LHCGR: variants seen among roughly 807,000 people sequenced by gnomAD.
LHCGR encodes luteinizing hormone/choriogonadotropin receptor, also known as lutropin-choriogonadotropic hormone receptor.
LHCGR carries 55 observed loss-of-function variants against 60.7 expected under a neutral mutation model. That is an observed-to-expected ratio of 0.91 (90% CI 0.73 to 1.13). The LOEUF is 1.13. Ranked by LOEUF, LHCGR falls within the 50% of genes most tolerant of loss-of-function variation. The pLI is 0.00. For missense variants in LHCGR, 862 were observed against 836.0 expected, an observed-to-expected ratio of 1.03 and a Z score of -0.38; for synonymous variants, 337 against 316.5, an observed-to-expected ratio of 1.06 and a Z score of -0.69.
intron 1 of LHCGR, among the ~76,000 whole-genome samples, chr2:48,755,247 T>C (rs1186091708): frequency 6.6e-6 from 1 of 151,568 alleles, no homozygotes; most frequent in Non-Finnish European, 1.5e-5. Context: ...TCCCCTGAGG[T>C]TCCTGAATAG....
intron 2 of LHCGR, among the ~76,000 whole-genome samples, chr2:48,730,720 C>T (rs182278395): frequency 1.8e-4 from 27 of 152,336 alleles, no homozygotes; most frequent in Middle Eastern, 6.8e-3. Context: ...GTCTGACAAA[C>T]ATGAGATCAT....
Position 48,731,308 on chromosome 2 carries a change from A to G in LHCGR, c.162-10T>C, listed in dbSNP as rs759265842. 4 of 1,600,692 alleles carry G rather than the reference A, an allele frequency of 2.5e-6. No homozygotes were observed. The highest frequency in any genetic ancestry group is 1.7e-4 in the Middle Eastern group (1 of 6,030). Reference sequence around the variant, plus strand: ...GAGGTAGGCAAGTGATCTAGAAAAGAAAAAAGGAAATCCAAGAGTTTAAGA... The same window carrying G: ...GAGGTAGGCAAGTGATCTAGAAAAGGAAAAAGGAAATCCAAGAGTTTAAGA... On this transcript the variant is annotated splice_polypyrimidine_tract_variant and intron_variant, in intron 1 of 10. Coordinates refer to ENST00000294954, the MANE Select transcript of LHCGR (RefSeq NM_000233.4).
Position 48,687,670 on chromosome 2 carries a change from T to C in LHCGR, c.*27A>G. On this transcript the variant is annotated 3_prime_UTR_variant, in exon 11 of 11. Coordinates refer to ENST00000294954, the MANE Select transcript of LHCGR (RefSeq NM_000233.4). ...TTTTTTTTACAGGTTTAAGAACAATTCAATAATGCAGTTACTGATGTAACA... is the reference window on the plus strand; with the variant it reads ...TTTTTTTTACAGGTTTAAGAACAATCCAATAATGCAGTTACTGATGTAACA... 6.3e-7 allele frequency: 1 copy of C among 1,576,862 alleles called. No individual in the cohort carries two copies. The highest frequency in any genetic ancestry group is 8.7e-7 in the Non-Finnish European group (1 of 1,146,198).
intron 3 of LHCGR, 108 bp downstream of exon 3, chr2:48,729,045 T>C (rs1668867799): frequency 1.1e-6 from 1 of 914,624 alleles, no homozygotes; most frequent in Non-Finnish European, 1.8e-6. Flanking sequence ...CTGTAGTCTT[T>C]TCCTTTTGGA....
chr2:48,730,997 T>A (rs888566892), intron 2 of LHCGR, among the ~76,000 whole-genome samples: 2 of 152,156 alleles, frequency 1.3e-5, no homozygotes, highest in African/African-American at 4.8e-5. Flanking sequence ...ATAAAATGCA[T>A]TCAGTCATTT....
In LHCGR at chr2:48,725,712, G is replaced by T; in HGVS notation, c.347C>A (p.Pro116His). The T allele has an allele frequency of 6.2e-7, 1 of 1,613,548 alleles. No individual in the cohort carries two copies. Among genetic ancestry groups the T allele is most frequent in the Non-Finnish European group, 8.5e-7 (1 of 1,179,644 alleles). The stretch of plus-strand genomic sequence containing the variant: ...TCGGGGAAGATTTATAAATGCTCCG[G>T]GCTCAATGTATCTCAGATTTTTGGT... Reference protein sequence around the residue: ...QNTKNLRYIEPGAFINLPRLK... With the variant: ...QNTKNLRYIEHGAFINLPRLK... Residue 116 changes from proline (P) to histidine (H), a missense_variant, in exon 4 of 11, where the codon CCC becomes CAC. Coordinates refer to ENST00000294954, the MANE Select transcript of LHCGR (RefSeq NM_000233.4).
Position 48,723,686 on chromosome 2 carries a change from T to C in LHCGR, c.394A>G (p.Asn132Asp). The C allele has an allele frequency of 6.2e-7, 1 of 1,613,018 alleles. No individual in the cohort carries two copies. The highest frequency in any genetic ancestry group is 8.5e-7 in the Non-Finnish European group (1 of 1,178,982). The change falls in exon 5 of 11, where the codon AAC becomes GAC. Residue 132 changes from asparagine to aspartate, a missense_variant. By Grantham distance (23) the Asn-to-Asp change is conservative. Coordinates refer to ENST00000294954, the MANE Select transcript of LHCGR (RefSeq NM_000233.4). ...LPRLKYLSIC[N>D]TGIRKFPDVT... ...TCTGGAAACTTTCTGATGCCTGTGTTACAGATGCTCCTGTGATTAGGGACA... is the reference window on the plus strand; with the variant it reads ...TCTGGAAACTTTCTGATGCCTGTGTCACAGATGCTCCTGTGATTAGGGACA...
At chr2:48,696,351 G>C (rs145284504) in intron 9 of LHCGR, among the ~76,000 whole-genome samples, 1 of 152,338 alleles carries the variant, frequency 6.6e-6, no homozygotes, top group Non-Finnish European at 1.5e-5. Context: ...CTTCCAAAAG[G>C]TTGCTTGGTG....
At chr2:48,694,166 A>G (rs944880931) in intron 10 of LHCGR, 58 bp downstream of exon 10, 12 of 994,858 alleles carry the variant, frequency 1.2e-5, no homozygotes, top group Non-Finnish European at 1.7e-5. Context: ...GATGCTGATA[A>G]TAAGGTGCAC....
At chr2:48,696,765 C>G (rs1558815800) in intron 9 of LHCGR, among the ~76,000 whole-genome samples, 1 of 152,130 alleles carries the variant, frequency 6.6e-6, no homozygotes, top group Non-Finnish European at 1.5e-5. Flanking sequence ...GAGACAATTC[C>G]TTGCAGGAAT....
chr2:48,733,566 A>G (rs1184770292), intron 1 of LHCGR, among the ~76,000 whole-genome samples: 1 of 152,152 alleles, frequency 6.6e-6, no homozygotes, highest in Non-Finnish European at 1.5e-5. Context: ...AGCCTCCCCT[A>G]TAAAAGAGAC....
intron 1 of LHCGR, among the ~76,000 whole-genome samples, chr2:48,740,113 C>T (rs1156607730): frequency 2.0e-5 from 3 of 152,232 alleles, no homozygotes; most frequent in South Asian, 2.1e-4. Context: ...CACTCCCACC[C>T]GAATACTGCT....
intron 7 of LHCGR, among the ~76,000 whole-genome samples, chr2:48,709,976 G>A (rs1479654299): frequency 6.6e-6 from 1 of 152,216 alleles, no homozygotes; most frequent in South Asian, 2.1e-4. Context: ...TGGGAACAGT[G>A]TGCATCTACC....
intron 7 of LHCGR, among the ~76,000 whole-genome samples, chr2:48,711,042 A>G (rs1005894186): frequency 2.3e-4 from 35 of 152,052 alleles, no homozygotes; most frequent in African/African-American, 8.4e-4. Context: ...GCCTCCCCTC[A>G]ATTCCTGGGA....
chr2:48,694,287 G>C lies in LHCGR; in HGVS notation c.884C>G (p.Ser295Cys). ...LPTKEQNFSHSISENFSKQCE... is the reference protein window; with the variant it reads ...LPTKEQNFSHCISENFSKQCE... ...TTGTTTGGAAAAGTTTTCAGAAATG[G>C]AATGTGAAAAATTCTGTCTGAAAGA... Residue 295 changes from serine to cysteine, a missense_variant, in exon 10 of 11, where the codon TCC becomes TGC. Transcript: ENST00000294954. 6.3e-7 allele frequency: 1 copy of C among 1,599,136 alleles called. No homozygotes were observed. The highest frequency in any genetic ancestry group is 8.6e-7 in the Non-Finnish European group (1 of 1,168,714).
At chr2:48,689,344 T>C (rs1399254705) in intron 10 of LHCGR, among the ~76,000 whole-genome samples, 4 of 152,186 alleles carry the variant, frequency 2.6e-5, no homozygotes, top group Admixed American at 2.0e-4. Context: ...CTTAACTATT[T>C]ATCTCTCATT....
intron 1 of LHCGR, among the ~76,000 whole-genome samples, chr2:48,753,352 T>TA (rs1670064051): frequency 6.6e-6 from 1 of 152,220 alleles, no homozygotes; most frequent in Non-Finnish European, 1.5e-5. Context: ...AAAGTTACCC[T>TA]GTTTTGGCCT....
At chr2:48,725,616 T>G (rs1668683203) in intron 4 of LHCGR, 60 bp downstream of exon 4, 1 of 1,175,912 alleles carries the variant, frequency 8.5e-7, no homozygotes, top group Non-Finnish European at 1.3e-6. Context: ...TTCCTTGTTT[T>G]GATTTTCATC....
rs1161558199 is a variant in LHCGR, at chr2:48,731,222, C to G, written c.233+5G>C. 6.3e-7 allele frequency: 1 copy of G among 1,590,728 alleles called. No individual in the cohort carries two copies. The highest frequency in any genetic ancestry group is 8.6e-7 in the Non-Finnish European group (1 of 1,159,636). On this transcript the variant is annotated splice_donor_5th_base_variant and intron_variant, in intron 2 of 10. Coordinates refer to ENST00000294954, the MANE Select transcript of LHCGR (RefSeq NM_000233.4). ...ATGTCTTTTGATATGCAGTAACTTA[C>G]TTACATTTTTATGACCTCATTAAGT...
Sources: gnomAD v4.1 joint callset for allele counts (sites outside exome capture counted in the v4.1 genomes callset) on GRCh38, gnomAD v4.1.1 for gene constraint, MANE v1.5 for transcripts, NCBI Gene and HGNC (gene_info 2026-07-23, HGNC 2026-07-21) for gene names.